Variants in MID1 observed in about 807,000 individuals in gnomAD.
The protein encoded by MID1 is midline 1.
A neutral mutation model predicts 40.4 loss-of-function variants in MID1; 7 were observed. The observed-to-expected ratio is 0.17, with a 90% CI of 0.10 to 0.33. The LOEUF is 0.33. Among genes scored for constraint, MID1 ranks in the 10% least tolerant of loss-of-function variants. The pLI is 1.00. For synonymous variants in MID1, 229 were observed against 221.2 expected, an observed-to-expected ratio of 1.04 and a Z score of -0.31; for missense variants, 367 against 558.5, an observed-to-expected ratio of 0.66 and a Z score of 3.46.
In MID1 at chrX:10,725,713, G is replaced by A. The variant is rs756033823; in HGVS notation, c.-186-105294C>T. On this transcript the variant is annotated intron_variant, in intron 1 of 10. Transcript: ENST00000380785. ...GTCTCTACTGAAAATACAAAAATTT[G>A]TTGGGCGTGGTGGGGTGCACCTGTA... 6.6e-3 allele frequency among the ~76,000 whole-genome samples: 731 copies of A among 111,461 alleles called. 3 individuals are homozygous for A. Among genetic ancestry groups the A allele is most frequent in the Non-Finnish European group, 0.011 (571 of 53,091 alleles).
chrX:10,827,446 C>T (rs1166504953), intron 1 of MID1, among the ~76,000 whole-genome samples: 1 of 98,980 alleles, frequency 1.0e-5, no homozygotes, highest in Non-Finnish European at 2.0e-5. Context: ...CTGCTCCCCC[C>T]GTCCCCCCCA....
At chrX:10,493,465 G>T in intron 4 of MID1, among the ~76,000 whole-genome samples, 1 of 112,219 alleles carries the variant, frequency 8.9e-6, no homozygotes, top group Admixed American at 9.4e-5. Flanking sequence ...ATAAATCTAT[G>T]TTGTCTCAAG....
Position 10,567,142 on chromosome X carries a change from T to G in MID1, c.406A>C (p.Thr136Pro). 8.3e-7 allele frequency: 1 copy of G among 1,211,389 alleles called. No homozygotes were observed. The highest frequency in any genetic ancestry group is 1.1e-6 in the Non-Finnish European group (1 of 895,448). Residue 136 changes from threonine to proline, a missense_variant, in exon 2 of 10, where the codon ACT (threonine) becomes CCT (proline). By Grantham distance (38) the Thr-to-Pro change is conservative (BLOSUM62 -1). Transcript: ENST00000317552. ...TCGTCACAGTAGGATACTTCACAAG[T>G]GACACAGGTCTTCACAGCGTCCTGG... ...PAQDAVKTCVTCEVSYCDECL... is the reference protein window; with the variant it reads ...PAQDAVKTCVPCEVSYCDECL...
chrX:10,547,605 A>AAGGGAGGGAGGGAGGGAGGG (rs879409869), intron 2 of MID1, among the ~76,000 whole-genome samples: 1 of 95,451 alleles, frequency 1.0e-5, no homozygotes, highest in African/African-American at 4.7e-5. Flanking sequence ...GGAAGGAAAG[A>AAGGGAGGGAGGGAGGGAGGG]AGGGAGGGTA....
chrX:10,453,715 C>T (rs941184084), intron 9 of MID1, among the ~76,000 whole-genome samples: 3 of 112,078 alleles, frequency 2.7e-5, no homozygotes, highest in Admixed American at 1.9e-4. Flanking sequence ...TGACAAAAAT[C>T]ATTTGGCATG....
At chrX:10,817,568 CTT>C (rs1569177989) in intron 1 of MID1, among the ~76,000 whole-genome samples, 25 of 86,984 alleles carry the variant, frequency 2.9e-4, no homozygotes, top group African/African-American at 1.1e-3. Context: ...TTCTTTCTTT[CTT>C]TCTCTCTTTC....
At chrX:10,702,364 G>A (rs998349981) in intron 1 of MID1, among the ~76,000 whole-genome samples, 6 of 112,043 alleles carry the variant, frequency 5.4e-5, no homozygotes, top group African/African-American at 1.9e-4. Context: ...TGAGAAGAAC[G>A]TTTAGTATAG....
intron 2 of MID1, among the ~76,000 whole-genome samples, chrX:10,539,642 T>C (rs993642721): frequency 1.8e-5 from 2 of 112,555 alleles, no homozygotes; most frequent in African/African-American, 6.5e-5. Flanking sequence ...ATTATAATGA[T>C]CTCCTGAATT....
intron 1 of MID1, among the ~76,000 whole-genome samples, chrX:10,630,535 C>CG (rs1401436151): frequency 2.0e-5 from 2 of 101,534 alleles, no homozygotes; most frequent in African/African-American, 7.7e-5. Context: ...TGTATGTGTG[C>CG]GGGGGGCGGG....
At chrX:10,588,557 GT>G (rs779743526) in intron 1 of MID1, among the ~76,000 whole-genome samples, 41 of 102,465 alleles carry the variant, frequency 4.0e-4, no homozygotes, top group Middle Eastern at 1.0e-2. Flanking sequence ...GTATACTGTT[GT>G]TTTTTTTTTT....
At chrX:10,620,128 G>A (rs1375644497) in intron 1 of MID1, among the ~76,000 whole-genome samples, 162 bp downstream of exon 1, 1 of 112,400 alleles carries the variant, frequency 8.9e-6, no homozygotes, top group East Asian at 2.8e-4. Flanking sequence ...GGTAAAATGT[G>A]CTTCTTTGGT....
intron 8 of MID1, among the ~76,000 whole-genome samples, chrX:10,455,848 C>CT (rs1200049376): frequency 8.9e-6 from 1 of 112,050 alleles, no homozygotes; most frequent in Non-Finnish European, 1.9e-5. Flanking sequence ...TATTTCATTA[C>CT]TCACATTTGT....
chrX:10,559,882 GTT>G (rs372238140), intron 2 of MID1, among the ~76,000 whole-genome samples: 11 of 99,704 alleles, frequency 1.1e-4, no homozygotes, highest in South Asian at 4.5e-4. Flanking sequence ...TTCATTGTGG[GTT>G]TTTTTTTTTT....
intron 1 of MID1, among the ~76,000 whole-genome samples, chrX:10,685,069 A>G (rs1284253339): frequency 8.9e-6 from 1 of 112,244 alleles, no homozygotes; most frequent in East Asian, 2.8e-4. Flanking sequence ...TTATTGCTAC[A>G]TAGTATTCTA....
chrX:10,811,347 G>T (rs893387466), intron 1 of MID1, among the ~76,000 whole-genome samples: 1 of 112,133 alleles, frequency 8.9e-6, no homozygotes, highest in Non-Finnish European at 1.9e-5. Flanking sequence ...TATAGTAGTT[G>T]CTATGAGCCA....
intron 1 of MID1, among the ~76,000 whole-genome samples, chrX:10,733,564 A>G (rs1168384332): frequency 1.8e-5 from 2 of 112,216 alleles, no homozygotes; most frequent in African/African-American, 6.5e-5. Context: ...ACACACACAG[A>G]CATATACACA....
intron 3 of MID1, among the ~76,000 whole-genome samples, chrX:10,510,659 C>T (rs1324108411): frequency 8.4e-5 from 9 of 107,143 alleles, no homozygotes; most frequent in Admixed American, 1.0e-4. Flanking sequence ...GGCGAAATCC[C>T]GGTCTCTACT....
intron 2 of MID1, among the ~76,000 whole-genome samples, chrX:10,542,337 C>T (rs1223343246): frequency 9.0e-6 from 1 of 111,180 alleles, no homozygotes; most frequent in Non-Finnish European, 1.9e-5. Flanking sequence ...ATAGTGTCTC[C>T]ATAGGGTAAT....
chrX:10,733,158 G>A (rs1345927445), intron 1 of MID1, among the ~76,000 whole-genome samples: 1 of 111,555 alleles, frequency 9.0e-6, no homozygotes, highest in African/African-American at 3.3e-5. Flanking sequence ...CACCGCGCCC[G>A]GCCGGTAAGT....
Sources: gnomAD v4.1 joint callset for allele counts (sites outside exome capture counted in the v4.1 genomes callset) on GRCh38, gnomAD v4.1.1 for gene constraint, MANE v1.5 for transcripts, NCBI Gene and HGNC (gene_info 2026-07-23, HGNC 2026-07-21) for gene names.